Variants in TAB1 observed in about 807,000 individuals in gnomAD.
TAB1 encodes TGF-beta-activated kinase 1 and MAP3K7-binding protein 1.
A neutral mutation model predicts 54.5 loss-of-function variants in TAB1; 30 were observed. The observed-to-expected ratio is 0.55, with a 90% CI of 0.41 to 0.75. TAB1 has a LOEUF of 0.75. Ranked by LOEUF, TAB1 falls within the 30% of genes least tolerant of loss-of-function variation. The pLI is 0.00. For missense variants in TAB1, 609 were observed against 683.2 expected, an observed-to-expected ratio of 0.89 and a Z score of 1.21; for synonymous variants, 289 against 286.9, an observed-to-expected ratio of 1.01 and a Z score of -0.07.
chr22:39,417,616 A>G lies in TAB1; in HGVS notation c.412-95A>G, dbSNP rs944717401. The G allele has an allele frequency of 2.3e-6, 3 of 1,309,594 alleles. No homozygotes were observed. In the East Asian group the frequency reaches 7.8e-5, roughly 34 times the overall value. The allele number at this position is 1,309,594 out of a possible 1,614,324, so 81.1% of individuals were successfully genotyped here. A position where few individuals can be genotyped will look rare whatever the true frequency, so the allele number is the denominator to read the frequency against. On this transcript the variant is annotated intron_variant, in intron 4 of 10. Transcript: ENST00000216160. ...AGCCTGGGGGACACAGCGAGACTCC[A>G]TCTCAAAAAAAAAAAAAAGAGTAAA...
intron 1 of TAB1, among the ~76,000 whole-genome samples, chr22:39,408,374 T>C (rs879545432): frequency 1.3e-5 from 2 of 152,214 alleles, no homozygotes; most frequent in Admixed American, 6.5e-5. Context: ...TGGTCTCCTG[T>C]TGTGAAACGC....
chr22:39,429,545 T>G (rs1927495444), intron 10 of TAB1: 3 of 311,670 alleles, frequency 9.6e-6, no homozygotes, highest in Non-Finnish European at 1.4e-5. Context: ...TGGCAAAATC[T>G]TGGCCCACTG....
intron 1 of TAB1, among the ~76,000 whole-genome samples, chr22:39,406,341 G>A (rs978570913): frequency 2.1e-5 from 3 of 145,324 alleles, no homozygotes; most frequent in Non-Finnish European, 4.5e-5. Context: ...AGAGCTTGCA[G>A]TGAGCCAAGA....
At chr22:39,417,457 A>G (rs1926883226) in intron 4 of TAB1, among the ~76,000 whole-genome samples, 1 of 152,106 alleles carries the variant, frequency 6.6e-6, no homozygotes, top group Non-Finnish European at 1.5e-5. Context: ...CGTCTCTACT[A>G]AAAATACAAA....
chr22:39,400,947 T>G (rs1306897655), intron 1 of TAB1, among the ~76,000 whole-genome samples: 1 of 146,824 alleles, frequency 6.8e-6, no homozygotes, highest in African/African-American at 2.6e-5. Context: ...GCAGGAGAAT[T>G]AGCTTGAACA....
chr22:39,409,465 C>A (rs544762066), intron 1 of TAB1, among the ~76,000 whole-genome samples: 2 of 152,222 alleles, frequency 1.3e-5, no homozygotes, highest in Non-Finnish European at 2.9e-5. Context: ...GCCCTCCCCC[C>A]CAGGCACATA....
chr22:39,420,750 A>G (rs1255931429), intron 7 of TAB1, among the ~76,000 whole-genome samples: 1 of 151,370 alleles, frequency 6.6e-6, no homozygotes, highest in Non-Finnish European at 1.5e-5. Flanking sequence ...ATCTGGCCAC[A>G]TGCACATATA....
downstream of TAB1, chr22:39,433,311 T>G (rs1927657469): frequency 1.3e-6 from 1 of 780,622 alleles, no homozygotes; most frequent in African/African-American, 1.9e-5. Flanking sequence ...GTTAGCCGGA[T>G]GTGGTGGTGG....
chr22:39,431,515 T>C lies in TAB1; in HGVS notation c.*1293T>C. The C allele has an allele frequency of 1.0e-6, 1 of 985,596 alleles. No individual in the cohort carries two copies. The highest frequency in any genetic ancestry group is 1.7e-5 in the African/African-American group (1 of 57,360). The allele number at this position is 985,596 out of a possible 1,614,324, so 61.1% of individuals were successfully genotyped here. On this transcript the variant is annotated 3_prime_UTR_variant, in exon 11 of 11. Transcript: ENST00000216160. ...GACCGGCCCACCAGGGACTAGCCGC[T>C]GTCGCACAGCCTCTGGGGTGCTTGG...
chr22:39,409,647 G>T (rs192377707), intron 1 of TAB1, among the ~76,000 whole-genome samples: 60 of 152,234 alleles, frequency 3.9e-4, no homozygotes, highest in Admixed American at 3.6e-3. Flanking sequence ...CTTCTAGAAG[G>T]TCACTGCCCC....
intron 8 of TAB1, among the ~76,000 whole-genome samples, chr22:39,425,135 G>A (rs974845767): frequency 2.0e-5 from 3 of 152,100 alleles, no homozygotes; most frequent in South Asian, 2.1e-4. Context: ...CACTTTGGGA[G>A]GCTGAGGCGG....
intron 8 of TAB1, among the ~76,000 whole-genome samples, chr22:39,425,503 G>C (rs564692207): frequency 6.6e-6 from 1 of 152,194 alleles, no homozygotes; most frequent in Admixed American, 6.5e-5. Context: ...ATTTAAGGTA[G>C]GCTAGGCTAA....
intron 1 of TAB1, among the ~76,000 whole-genome samples, chr22:39,408,345 T>C (rs28672213): frequency 1.8e-4 from 28 of 152,206 alleles, no homozygotes; most frequent in Non-Finnish European, 4.0e-4. Flanking sequence ...CAGTGGTCAG[T>C]AGATCATCAG....
At chr22:39,422,257 C>T (rs895675732) in intron 8 of TAB1, among the ~76,000 whole-genome samples, 7 of 152,072 alleles carry the variant, frequency 4.6e-5, no homozygotes, top group East Asian at 3.9e-4. Flanking sequence ...TACTCTGAGA[C>T]GGCCAGGAAG....
At chr22:39,425,740 G>T (rs1569201337) in intron 8 of TAB1, among the ~76,000 whole-genome samples, 1 of 151,534 alleles carries the variant, frequency 6.6e-6, no homozygotes, top group African/African-American at 2.4e-5. Context: ...TAGAGATGGG[G>T]TTTCACCGTA....
At position 39,430,508 on chromosome 22, in the gene TAB1, T is replaced by A. The variant is rs1447430932; in HGVS notation, c.*286T>A. 7.6e-7 allele frequency: 1 copy of A among 1,316,976 alleles called. No homozygotes were observed. The highest frequency in any genetic ancestry group is 3.2e-5 in the Admixed American group (1 of 31,416). The allele number at this position is 1,316,976 out of a possible 1,614,324, so 81.6% of individuals were successfully genotyped here. A position where few individuals can be genotyped will look rare whatever the true frequency, so the allele number is the denominator to read the frequency against. On this transcript the variant is annotated 3_prime_UTR_variant, in exon 11 of 11. Coordinates refer to ENST00000216160, the MANE Select transcript of TAB1 (RefSeq NM_006116.3). ...AGAGGGCCAGGTATAGAAACCGCAG[T>A]GGGCCTGCAAGCCGCCCGAGCCTCC...
chr22:39,410,404 G>A (rs1926557726), intron 1 of TAB1, among the ~76,000 whole-genome samples: 1 of 152,158 alleles, frequency 6.6e-6, no homozygotes, highest in South Asian at 2.1e-4. Flanking sequence ...CACTGTGCCA[G>A]GTCAGCAGTT....
Position 39,428,093 on chromosome 22 carries a change from C to T in TAB1, c.1217C>T (p.Thr406Ile), listed in dbSNP as rs758936918. The change falls in exon 10 of 11, where the codon ACC becomes ATC. Residue 406 changes from threonine (T) to isoleucine (I), a missense_variant. Thr to Ile is a moderately conservative substitution (Grantham distance 89, BLOSUM62 -1). Transcript: ENST00000216160. ...CAGAGCACCAGCAAGACCAGCGTGA[C>T]CCTCTCCCTTGTCATGCCCTCCCAG... Reference protein sequence around the residue: ...SAQSTSKTSVTLSLVMPSQGQ... With the variant: ...SAQSTSKTSVILSLVMPSQGQ... 1.2e-6 allele frequency: 2 copies of T among 1,613,904 alleles called. No homozygotes were observed. The highest frequency in any genetic ancestry group is 3.3e-5 in the Admixed American group (2 of 60,010).
intron 10 of TAB1, among the ~76,000 whole-genome samples, chr22:39,428,583 C>A (rs1453813177): frequency 2.0e-5 from 3 of 152,132 alleles, no homozygotes; most frequent in Non-Finnish European, 2.9e-5. Context: ...GAAGTGAGTT[C>A]TCTGGTTTTG....
Sources: gnomAD v4.1 joint callset for allele counts (sites outside exome capture counted in the v4.1 genomes callset) on GRCh38, gnomAD v4.1.1 for gene constraint, MANE v1.5 for transcripts, NCBI Gene and HGNC (gene_info 2026-07-23, HGNC 2026-07-21) for gene names.